SFRP5: variants seen among roughly 807,000 people sequenced by gnomAD.
SFRP5 encodes secreted frizzled-related protein 5.
SFRP5 carries 22 observed loss-of-function variants against 27.0 expected under a neutral mutation model. The ratio of observed to expected loss-of-function variants is 0.82; its 90% CI spans 0.58 to 1.17. SFRP5 has a LOEUF of 1.17. Among genes scored for constraint, SFRP5 ranks in the 50% most tolerant of loss-of-function variants. The probability of loss-of-function intolerance (pLI) is 0.00; values close to 1 mark genes in which losing one functional copy is unlikely to be tolerated. For missense variants in SFRP5, 406 were observed against 436.6 expected (o/e 0.93, Z 0.63); for synonymous variants, 171 against 195.0 (o/e 0.88, Z 1.03).
chr10:97,767,598 C>G lies in SFRP5; in HGVS notation c.870G>C (p.Glu290Asp). ...AVYRWDKKNKEMKFAVKFMFS... is the reference protein window; with the variant it reads ...AVYRWDKKNKDMKFAVKFMFS... Reference sequence around the variant, plus strand: ...ACATGAATTTGACTGCAAACTTCATCTCCTTATTCTTCTTGTCCCAGCGGT... The same window carrying G: ...ACATGAATTTGACTGCAAACTTCATGTCCTTATTCTTCTTGTCCCAGCGGT... The change falls in exon 3 of 3, where the codon GAG becomes GAC. Residue 290 changes from glutamate to aspartate, a missense_variant. By Grantham distance (45) the Glu-to-Asp change is conservative (BLOSUM62 2). Transcript: ENST00000266066. The G allele has an allele frequency of 6.2e-7, 1 of 1,613,650 alleles. No homozygotes were observed. The highest frequency in any genetic ancestry group is 8.5e-7 in the Non-Finnish European group (1 of 1,180,030).
intron 2 of SFRP5, 82 bp downstream of exon 2, chr10:97,769,586 G>A: frequency 2.2e-6 from 2 of 902,558 alleles, no homozygotes; most frequent in Non-Finnish European, 3.6e-6. Context: ...TGATGGATGT[G>A]GGCATGTATG....
At chr10:97,769,449 G>A (rs2049503685) in intron 2 of SFRP5, among the ~76,000 whole-genome samples, 1 of 152,354 alleles carries the variant, frequency 6.6e-6, no homozygotes, top group Admixed American at 6.5e-5. Context: ...CAAGGCCCAT[G>A]GCCTTAGGGG....
rs1380707720 is a variant in SFRP5, at chr10:97,767,380, T to G, written c.*134A>C. On this transcript the variant is annotated 3_prime_UTR_variant, in exon 3 of 3. Transcript: ENST00000266066. ...GTCAAAAAGGACAGCCTGGGCTCCG[T>G]GCCCATCCCTTAGGCCTTGTGCCAG... The G allele has an allele frequency of 4.3e-5, 29 of 677,126 alleles. No individual in the cohort carries two copies. The highest frequency in any genetic ancestry group is 6.1e-5 in the Non-Finnish European group (25 of 410,234). 41.9% of individuals were successfully genotyped at this position (677,126 alleles called of 1,614,324 possible). A position where few individuals can be genotyped will look rare whatever the true frequency, so the allele number is the denominator to read the frequency against.
intron 1 of SFRP5, among the ~76,000 whole-genome samples, 195 bp from the exon 2 acceptor site, chr10:97,769,940 C>A (rs2049506020): frequency 6.6e-6 from 1 of 152,252 alleles, no homozygotes; most frequent in African/African-American, 2.4e-5. Flanking sequence ...ACCAGACAGG[C>A]TGTGCAGTGA....
In SFRP5 at chr10:97,771,794, C is replaced by T. The variant is rs1447750695; in HGVS notation, c.40G>A (p.Ala14Thr). The T allele has an allele frequency of 7.6e-7, 1 of 1,320,944 alleles. No homozygotes were observed. The highest frequency in any genetic ancestry group is 9.6e-7 in the Non-Finnish European group (1 of 1,040,672). The allele number at this position is 1,320,944 out of a possible 1,614,324, so 81.8% of individuals were successfully genotyped here. The change falls in exon 1 of 3, where the codon GCG (alanine) becomes ACG (threonine). Residue 14 changes from alanine (A) to threonine (T), a missense_variant. By Grantham distance (58) the Ala-to-Thr change is moderately conservative (BLOSUM62 0). Coordinates refer to ENST00000266066, the MANE Select transcript of SFRP5 (RefSeq NM_003015.3). The surrounding 1 kb of genome is among the most constrained non-coding windows in gnomAD (Gnocchi z 5.2). ...AGCGCCCCCAGCAGCAGCGCCAGCG[C>T]GGCCGTCCGCACGCCCCCCCCCGCC... ...AAAGGGVRTA[A>T]LALLLGALHW...
At chr10:97,769,134 A>T (rs1564848541) in intron 2 of SFRP5, among the ~76,000 whole-genome samples, 1 of 152,196 alleles carries the variant, frequency 6.6e-6, no homozygotes, top group Admixed American at 6.5e-5. Flanking sequence ...TGCGTGGCCC[A>T]TGTGTGAGCC....
At position 97,771,749 on chromosome 10, in the gene SFRP5, A is replaced by C; in HGVS notation, c.85T>G (p.Cys29Gly). 1 of 1,591,506 alleles carries C rather than the reference A, an allele frequency of 6.3e-7. No homozygotes were observed. The highest frequency in any genetic ancestry group is 1.3e-5 in the African/African-American group (1 of 74,430). ...LGALHWAPAR[C>G]EEYDYYGWQA... The stretch of plus-strand genomic sequence containing the variant: ...CAGCCATAGTAGTCGTACTCCTCGC[A>C]GCGCGCCGGCGCCCAGTGCAGCGCC... Residue 29 changes from cysteine (C) to glycine (G), a missense_variant, in exon 1 of 3, where the codon TGC becomes GGC. Physicochemically the swap from Cys to Gly is radical, Grantham distance 159. Transcript: ENST00000266066. This position sits in a 1 kb window ranked among gnomAD's most constrained non-coding sequence, Gnocchi z 5.2.
At chr10:97,768,488 C>A (rs1229584311) in intron 2 of SFRP5, among the ~76,000 whole-genome samples, 1 of 152,156 alleles carries the variant, frequency 6.6e-6, no homozygotes, top group Non-Finnish European at 1.5e-5. Flanking sequence ...CCCACCATAA[C>A]TGACCGCATG....
intron 2 of SFRP5, 38 bp downstream of exon 2, chr10:97,769,630 T>C: frequency 7.1e-7 from 1 of 1,402,072 alleles, no homozygotes; most frequent in Non-Finnish European, 1.0e-6. Context: ...GGGCTGGGGG[T>C]GATGTCGGGG....
Position 97,767,167 on chromosome 10 carries a change from A to C in SFRP5, c.*347T>G. ...CAAGGTGAGGCCCCACCACCGACAG[A>C]GGGGAGCTGGAGCTGACACCACCTT... On this transcript the variant is annotated 3_prime_UTR_variant, in exon 3 of 3. Coordinates refer to ENST00000266066, the MANE Select transcript of SFRP5 (RefSeq NM_003015.3). 4.8e-6 allele frequency: 1 copy of C among 209,530 alleles called. No individual in the cohort carries two copies. 13.0% of individuals were successfully genotyped at this position (209,530 alleles called of 1,614,324 possible). A position where few individuals can be genotyped will look rare whatever the true frequency, so the allele number is the denominator to read the frequency against.
chr10:97,769,670 A>G lies in SFRP5; in HGVS notation c.605T>C (p.Phe202Ser). ...GLMEQMCSSD[F>S]VVKMRIKEIK... ...GGCAGCGTGGGCCCCACACTCACCAAAGTCACTGGAGCACATCTGCTCCAT... is the reference window on the plus strand; with the variant it reads ...GGCAGCGTGGGCCCCACACTCACCAGAGTCACTGGAGCACATCTGCTCCAT... Residue 202 changes from phenylalanine (F) to serine (S), a missense_variant and splice_region_variant, in exon 2 of 3, where the codon TTT becomes TCT. Coordinates refer to ENST00000266066, the MANE Select transcript of SFRP5 (RefSeq NM_003015.3). 1 of 1,610,024 alleles carries G rather than the reference A, an allele frequency of 6.2e-7. No homozygotes were observed. Among genetic ancestry groups the G allele is most frequent in the Non-Finnish European group, 8.5e-7 (1 of 1,177,348 alleles).
At chr10:97,769,361 A>C (rs1383164671) in intron 2 of SFRP5, among the ~76,000 whole-genome samples, 1 of 152,218 alleles carries the variant, frequency 6.6e-6, no homozygotes, top group African/African-American at 2.4e-5. Context: ...CACAGAGATG[A>C]TCCAGTCATG....
Position 97,771,203 on chromosome 10 carries a change from T to A in SFRP5, c.529+102A>T, listed in dbSNP as rs1393268402. 1.7e-6 allele frequency: 1 copy of A among 590,430 alleles called. No individual in the cohort carries two copies. Among genetic ancestry groups the A allele is most frequent in the Non-Finnish European group, 2.8e-6 (1 of 361,044 alleles). 36.6% of individuals were successfully genotyped at this position (590,430 alleles called of 1,614,324 possible). ...CTAGGACAGCGTGTGTGTGTGTGTGTGGGCGGAGGGGGGGAGCTGCACCTC... is the reference window on the plus strand; with the variant it reads ...CTAGGACAGCGTGTGTGTGTGTGTGAGGGCGGAGGGGGGGAGCTGCACCTC... On this transcript the variant is annotated intron_variant, in intron 1 of 2. Transcript: ENST00000266066. This position sits in a 1 kb window ranked among gnomAD's most constrained non-coding sequence, Gnocchi z 5.2.
At chr10:97,768,852 A>G (rs2049499891) in intron 2 of SFRP5, among the ~76,000 whole-genome samples, 1 of 152,220 alleles carries the variant, frequency 6.6e-6, no homozygotes, top group Admixed American at 6.5e-5. Context: ...CTGTGGGGCC[A>G]GGGAGAAGTC....
chr10:97,771,990 C>T lies in SFRP5; in HGVS notation c.-157G>A, dbSNP rs11189367. 0.71 allele frequency: 275,305 copies of T among 388,544 alleles called. 100,960 individuals are homozygous for T. The highest frequency in any genetic ancestry group is 0.77 in the Non-Finnish European group (216,661 of 281,970). 24.1% of individuals were successfully genotyped at this position (388,544 alleles called of 1,614,324 possible). ...GGTGGGTGGCAGCCTGCGCTGCGGGCGCCCCGACTGATCCTGGCGCCTCCC... is the reference window on the plus strand; with the variant it reads ...GGTGGGTGGCAGCCTGCGCTGCGGGTGCCCCGACTGATCCTGGCGCCTCCC... On this transcript the variant is annotated 5_prime_UTR_variant, in exon 1 of 3. Transcript: ENST00000266066. This position sits in a 1 kb window ranked among gnomAD's most constrained non-coding sequence, Gnocchi z 5.2.
At position 97,767,366 on chromosome 10, in the gene SFRP5, C is replaced by T; in HGVS notation, c.*148G>A. ...CCCAGGACCCCTGGGTCAAAAAGGACAGCCTGGGCTCCGTGCCCATCCCTT... is the reference window on the plus strand; with the variant it reads ...CCCAGGACCCCTGGGTCAAAAAGGATAGCCTGGGCTCCGTGCCCATCCCTT... On this transcript the variant is annotated 3_prime_UTR_variant, in exon 3 of 3. Coordinates refer to ENST00000266066, the MANE Select transcript of SFRP5 (RefSeq NM_003015.3). 1.6e-6 allele frequency: 1 copy of T among 618,416 alleles called. No individual in the cohort carries two copies. The highest frequency in any genetic ancestry group is 2.2e-5 in the South Asian group (1 of 45,210). 38.3% of individuals were successfully genotyped at this position (618,416 alleles called of 1,614,324 possible). A position where few individuals can be genotyped will look rare whatever the true frequency, so the allele number is the denominator to read the frequency against.
rs754509467 is a variant in SFRP5, at chr10:97,767,718, G to A, written c.750C>T (p.Gly250=). ...TKRLVLHMKN[G]AGCPCPQLDS... ...CCAGCTGTGGGCAGGGGCAGCCCGC[G>A]CCATTCTTCATGTGCAGCACCAGCC... The change falls in exon 3 of 3, where the codon GGC becomes GGT. Residue 250 remains glycine (G), a synonymous_variant. Transcript: ENST00000266066. 25 of 1,613,624 alleles carry A rather than the reference G, an allele frequency of 1.5e-5. No homozygotes were observed. In the Admixed American group the frequency reaches 1.8e-4, roughly 12 times the overall value.
In SFRP5 at chr10:97,771,348, G is replaced by A. The variant is rs1395370429; in HGVS notation, c.486C>T (p.Cys162=). Residue 162 remains cysteine (C), a synonymous_variant, in exon 1 of 3, where the codon TGC becomes TGT. Coordinates refer to ENST00000266066, the MANE Select transcript of SFRP5 (RefSeq NM_003015.3). The surrounding 1 kb of genome is among the most constrained non-coding windows in gnomAD (Gnocchi z 5.2). The part of the protein sequence containing the change: ...CHKFPLDNDL[C]IAVQFGHLPA... ...GCAGGTGCCCGAACTGCACGGCGAT[G>A]CAGAGGTCGTTGTCCAGGGGGAACT... is the stretch of plus-strand genomic sequence containing the variant. 6.2e-7 allele frequency: 1 copy of A among 1,607,564 alleles called. No individual in the cohort carries two copies. The highest frequency in any genetic ancestry group is 1.7e-5 in the Admixed American group (1 of 59,532).
chr10:97,767,782 A>G lies in SFRP5; in HGVS notation c.686T>C (p.Leu229Pro). ...KLIGAQKKKK[L>P]LKPGPLKRKD... ...GCGCTTCAGGGGGCCCGGCTTGAGCAGCTTCTTCTTTTTCTGGGCTCCAAT... is the reference window on the plus strand; with the variant it reads ...GCGCTTCAGGGGGCCCGGCTTGAGCGGCTTCTTCTTTTTCTGGGCTCCAAT... The change falls in exon 3 of 3, where the codon CTG (leucine) becomes CCG (proline). Residue 229 changes from leucine (L) to proline (P), a missense_variant. Physicochemically the swap from Leu to Pro is moderately conservative, Grantham distance 98. Transcript: ENST00000266066. The G allele has an allele frequency of 6.4e-7, 1 of 1,562,982 alleles. No individual in the cohort carries two copies.
Sources: allele counts gnomAD v4.1 joint callset (sites outside exome capture counted in the v4.1 genomes callset), GRCh38; gene constraint gnomAD v4.1.1; non-coding constraint Gnocchi (gnomAD v3.1); transcripts MANE v1.5; gene names NCBI Gene and HGNC (gene_info 2026-07-23, HGNC 2026-07-21).